Variants in ERBB4 observed in about 807,000 individuals in gnomAD.
The protein encoded by ERBB4 is erb-b2 receptor tyrosine kinase 4.
A neutral mutation model predicts 158.0 loss-of-function variants in ERBB4; 42 were observed. The observed-to-expected ratio is 0.27, with a 90% CI of 0.21 to 0.34. ERBB4 has a LOEUF of 0.34. Among genes scored for constraint, ERBB4 ranks in the 10% least tolerant of loss-of-function variants. The pLI, the probability that ERBB4 is intolerant of heterozygous loss-of-function variation, is 1.00. For missense variants in ERBB4, 1,333 were observed against 1,624.1 expected (o/e 0.82, Z 3.08); for synonymous variants, 583 against 558.7 (o/e 1.04, Z -0.61).
At chr2:212,445,729 C>T (rs1295576463) in intron 1 of ERBB4, among the ~76,000 whole-genome samples, 1 of 152,120 alleles carries the variant, frequency 6.6e-6, no homozygotes, top group Non-Finnish European at 1.5e-5. Flanking sequence ...ATGGTCCAGA[C>T]CCCGCAGGAA....
intron 1 of ERBB4, among the ~76,000 whole-genome samples, chr2:212,304,541 T>A (rs1275332147): frequency 1.5e-4 from 23 of 151,466 alleles, no homozygotes; most frequent in Admixed American, 1.5e-3. Flanking sequence ...TCCAAATGTA[T>A]TCTTAGCCAC....
intron 9 of ERBB4, among the ~76,000 whole-genome samples, chr2:211,709,318 A>G (rs1363958797): frequency 2.1e-5 from 3 of 144,142 alleles, no homozygotes; most frequent in Non-Finnish European, 4.4e-5. Context: ...AGAGAGAGAG[A>G]GAGAGTAATT....
chr2:211,537,215 T>C (rs1341432636), intron 20 of ERBB4, among the ~76,000 whole-genome samples: 2 of 152,074 alleles, frequency 1.3e-5, no homozygotes, highest in East Asian at 3.9e-4. Flanking sequence ...AGTATCCCAA[T>C]GGTAAAGATA....
chr2:212,212,551 T>TAA (rs59628689), intron 1 of ERBB4, among the ~76,000 whole-genome samples: 3 of 148,818 alleles, frequency 2.0e-5, no homozygotes, highest in Non-Finnish European at 4.5e-5. Flanking sequence ...TTCACAGAAT[T>TAA]AAAAAAAAAA....
At position 212,176,608 on chromosome 2, in the gene ERBB4, A is replaced by C. The variant is rs79727761; in HGVS notation, c.83-51705T>G. On this transcript the variant is annotated intron_variant, in intron 1 of 27. Transcript: ENST00000342788. ...CAGCCTGAGCAGATTAAGAAGCAAA[A>C]TATTATGTCTCCCTTTTTCACCTAC... 6.3e-3 allele frequency among the ~76,000 whole-genome samples: 954 copies of C among 152,096 alleles called. 13 individuals carry two copies. The highest frequency in any genetic ancestry group is 0.058 in the East Asian group (299 of 5,166).
chr2:211,864,200 C>T (rs1376677583), intron 3 of ERBB4, among the ~76,000 whole-genome samples: 1 of 152,190 alleles, frequency 6.6e-6, no homozygotes, highest in Non-Finnish European at 1.5e-5. Context: ...CTTTTTCCCA[C>T]CTCTCCTTCT....
At chr2:211,759,331 T>C (rs1331023412) in intron 4 of ERBB4, among the ~76,000 whole-genome samples, 3 of 152,124 alleles carry the variant, frequency 2.0e-5, no homozygotes, top group East Asian at 1.9e-4. Flanking sequence ...CCCTTTACAA[T>C]CTCTTCTCAA....
At chr2:211,664,655 G>A (rs1280794642) in intron 15 of ERBB4, among the ~76,000 whole-genome samples, 1 of 151,820 alleles carries the variant, frequency 6.6e-6, no homozygotes, top group East Asian at 1.9e-4. Context: ...AATATCAAAG[G>A]TAATCTAATT....
In ERBB4 at chr2:211,973,778, A is replaced by G. The variant is rs528178227; in HGVS notation, c.235-26162T>C. On this transcript the variant is annotated intron_variant, in intron 2 of 27. Transcript: ENST00000342788. The stretch of plus-strand genomic sequence containing the variant: ...ATCATTCTACTATAATAGCACATGC[A>G]TGTGTATGTTCATTACAGCATTATG... Among the ~76,000 whole-genome samples, 21 of 152,330 alleles carry G rather than the reference A, an allele frequency of 1.4e-4. 2 individuals carry two copies. In the South Asian group the frequency reaches 4.3e-3, roughly 32 times the overall value.
At chr2:211,714,718 C>T (rs912067074) in intron 7 of ERBB4, among the ~76,000 whole-genome samples, 1 of 152,238 alleles carries the variant, frequency 6.6e-6, no homozygotes, top group Middle Eastern at 3.4e-3. Flanking sequence ...TTGGGTCAGA[C>T]CTTATAGCCA....
At chr2:211,588,569 T>A (rs954811027) in intron 19 of ERBB4, among the ~76,000 whole-genome samples, 1 of 152,180 alleles carries the variant, frequency 6.6e-6, no homozygotes, top group Non-Finnish European at 1.5e-5. Context: ...TTTTGACTCA[T>A]CTAATTCCCA....
intron 3 of ERBB4, among the ~76,000 whole-genome samples, chr2:211,902,706 AT>A (rs941242243): frequency 3.3e-5 from 5 of 151,410 alleles, no homozygotes; most frequent in African/African-American, 7.3e-5. Context: ...TTCTATGTAT[AT>A]TTTTTTCTTA....
intron 3 of ERBB4, among the ~76,000 whole-genome samples, chr2:211,943,205 A>G (rs951324726): frequency 4.6e-5 from 7 of 152,116 alleles, no homozygotes; most frequent in African/African-American, 1.7e-4. Flanking sequence ...AGAAAATAAT[A>G]GTGGGTTTTA....
intron 5 of ERBB4, among the ~76,000 whole-genome samples, chr2:211,738,670 C>A (rs1261505574): frequency 1.3e-5 from 2 of 151,208 alleles, no homozygotes; most frequent in Non-Finnish European, 2.9e-5. Flanking sequence ...CCACGCCCGG[C>A]CCTCTTTTTT....
At position 211,665,330 on chromosome 2, in the gene ERBB4, T is replaced by C; in HGVS notation, c.1864A>G (p.Thr622Ala). 6.2e-7 allele frequency: 1 copy of C among 1,614,096 alleles called. No individual in the cohort carries two copies. The highest frequency in any genetic ancestry group is 8.5e-7 in the Non-Finnish European group (1 of 1,179,994). ...RECHPCHPNC[T>A]QGCNGPTSHD... ...GCCAGCAAGAATGCTTACCCTTGGG[T>C]GCAGTTTGGATGGCATGGGTGGCAC... is the stretch of plus-strand genomic sequence containing the variant. Residue 622 changes from threonine to alanine, a missense_variant, in exon 15 of 28, where the codon ACC becomes GCC. Thr to Ala is a moderately conservative substitution (Grantham distance 58). Transcript: ENST00000342788.
chr2:211,821,680 T>C (rs185444917), intron 3 of ERBB4, among the ~76,000 whole-genome samples: 2 of 151,924 alleles, frequency 1.3e-5, no homozygotes, highest in African/African-American at 2.4e-5. Flanking sequence ...TGCAAGAGAA[T>C]AGAGAACCCA....
chr2:212,501,028 G>A lies in ERBB4; in HGVS notation c.82+37421C>T, dbSNP rs190822901. Among the ~76,000 whole-genome samples, 66 of 152,182 alleles carry A rather than the reference G, an allele frequency of 4.3e-4. No homozygotes were observed. In the East Asian group the frequency reaches 7.7e-3, roughly 18 times the overall value. On this transcript the variant is annotated intron_variant, in intron 1 of 27. Coordinates refer to ENST00000342788, the MANE Select transcript of ERBB4 (RefSeq NM_005235.3). ...TCTCAAGGGAACAATAGACATTATC[G>A]AAGGAACAACCTGATTTTGTGTTCT...
At chr2:211,772,260 G>A (rs991746188) in intron 4 of ERBB4, among the ~76,000 whole-genome samples, 3 of 152,068 alleles carry the variant, frequency 2.0e-5, no homozygotes, top group Non-Finnish European at 4.4e-5. Flanking sequence ...TATTTTTGGA[G>A]AGTAGTTATT....
At chr2:211,617,167 T>G (rs1378607686) in intron 19 of ERBB4, among the ~76,000 whole-genome samples, 1 of 152,084 alleles carries the variant, frequency 6.6e-6, no homozygotes, top group Admixed American at 6.6e-5. Context: ...TCTGTTTCCA[T>G]GGAAATATGA....
Sources: gnomAD v4.1 joint callset for allele counts (sites outside exome capture counted in the v4.1 genomes callset) on GRCh38, gnomAD v4.1.1 for gene constraint, MANE v1.5 for transcripts, NCBI Gene and HGNC (gene_info 2026-07-23, HGNC 2026-07-21) for gene names.